DLGAP1: variants seen among roughly 807,000 people sequenced by gnomAD.
DLGAP1 encodes disks large-associated protein 1.
Under a neutral mutation model 90.8 loss-of-function variants are expected in DLGAP1, and 11 were observed. That is an observed-to-expected ratio of 0.12 (90% CI 0.08 to 0.20). The LOEUF is 0.20. DLGAP1 is among the 10% of genes least tolerant of loss of function. The pLI, the probability that DLGAP1 is intolerant of heterozygous loss-of-function variation, is 1.00. For synonymous variants in DLGAP1, 558 were observed against 540.7 expected, an observed-to-expected ratio of 1.03 and a Z score of -0.44; for missense variants, 1,050 against 1,333.8, an observed-to-expected ratio of 0.79 and a Z score of 3.31.
intron 1 of DLGAP1, among the ~76,000 whole-genome samples, chr18:4,307,825 C>G (rs1253160488): frequency 6.7e-6 from 1 of 148,302 alleles, no homozygotes; most frequent in Non-Finnish European, 1.5e-5. Context: ...AAGCTATTTT[C>G]CTGCCTCAGC....
At chr18:4,068,850 G>C (rs1463060398) in intron 2 of DLGAP1, among the ~76,000 whole-genome samples, 1 of 152,190 alleles carries the variant, frequency 6.6e-6, no homozygotes, top group African/African-American at 2.4e-5. Context: ...ACGCGTACAG[G>C]TGAGGAAACA....
At chr18:3,779,135 G>C (rs182247567) in intron 5 of DLGAP1, among the ~76,000 whole-genome samples, 1 of 152,122 alleles carries the variant, frequency 6.6e-6, no homozygotes, top group Non-Finnish European at 1.5e-5. Flanking sequence ...CTTCTGTCCC[G>C]ATCTCAGAGC....
intron 3 of DLGAP1, among the ~76,000 whole-genome samples, chr18:3,902,609 A>G (rs960771324): frequency 5.9e-5 from 9 of 152,164 alleles, no homozygotes; most frequent in Non-Finnish European, 1.2e-4. Context: ...GAGCTATAGT[A>G]CTGTATCTGC....
intron 2 of DLGAP1, among the ~76,000 whole-genome samples, chr18:4,094,609 T>TTC (rs959947025): frequency 2.9e-5 from 2 of 68,794 alleles, no homozygotes; most frequent in African/African-American, 1.3e-4. Context: ...TTCTCTTTCT[T>TTC]TTTTTTTTTT....
intron 1 of DLGAP1, among the ~76,000 whole-genome samples, chr18:4,450,723 A>T (rs1319800253): frequency 1.3e-5 from 2 of 152,234 alleles, no homozygotes; most frequent in East Asian, 1.9e-4. Flanking sequence ...TGATAAGAAA[A>T]CATTGAGAGA....
At chr18:4,251,702 C>T (rs1346302864) in intron 1 of DLGAP1, among the ~76,000 whole-genome samples, 2 of 152,150 alleles carry the variant, frequency 1.3e-5, no homozygotes, top group Admixed American at 6.5e-5. Flanking sequence ...CTGAGTTTGT[C>T]TAAAGAAGCA....
At chr18:4,213,504 G>A (rs1357690851) in intron 1 of DLGAP1, among the ~76,000 whole-genome samples, 1 of 152,162 alleles carries the variant, frequency 6.6e-6, no homozygotes, top group Admixed American at 6.5e-5. Flanking sequence ...TCTCTGGGCA[G>A]ATATGGTGCC....
intron 7 of DLGAP1, among the ~76,000 whole-genome samples, chr18:3,684,166 GGTTT>G (rs67720345): frequency 0.61 from 64,803 of 105,526 alleles, 14,983 homozygotes; most frequent in African/African-American, 0.71. Flanking sequence ...GATTGGGTAA[GGTTT>G]TTTTTTTTTA....
intron 7 of DLGAP1, among the ~76,000 whole-genome samples, chr18:3,684,149 A>C (rs1351446882): frequency 6.9e-6 from 1 of 145,826 alleles, no homozygotes; most frequent in Non-Finnish European, 1.5e-5. Context: ...CCATATATTT[A>C]TAATATGATT....
At chr18:4,218,349 T>C (rs2078001876) in intron 1 of DLGAP1, among the ~76,000 whole-genome samples, 1 of 152,022 alleles carries the variant, frequency 6.6e-6, no homozygotes, top group Non-Finnish European at 1.5e-5. Flanking sequence ...AAATAGTAAT[T>C]GTATATGTTT....
chr18:3,941,077 C>T (rs929185946), intron 3 of DLGAP1, among the ~76,000 whole-genome samples: 2 of 152,064 alleles, frequency 1.3e-5, no homozygotes, highest in Non-Finnish European at 2.9e-5. Context: ...GCGTTTTCCT[C>T]CCTTGTTGGA....
chr18:3,814,430 T>C (rs1483557350), intron 4 of DLGAP1, among the ~76,000 whole-genome samples, 157 bp from the exon 5 acceptor site: 1 of 150,702 alleles, frequency 6.6e-6, no homozygotes, highest in Non-Finnish European at 1.5e-5. Context: ...GGTGCAATCT[T>C]GGCTCACTGC....
intron 1 of DLGAP1, among the ~76,000 whole-genome samples, chr18:4,183,663 A>G (rs1444454085): frequency 1.3e-5 from 2 of 152,020 alleles, no homozygotes; most frequent in Non-Finnish European, 1.5e-5. Context: ...ATGGATTCCA[A>G]CCTTTCTGCT....
At chr18:3,810,626 C>CT (rs1258871021) in intron 5 of DLGAP1, among the ~76,000 whole-genome samples, 1 of 152,058 alleles carries the variant, frequency 6.6e-6, no homozygotes, top group Non-Finnish European at 1.5e-5. Context: ...ATATAGGGAT[C>CT]TTTTTTCTCA....
At chr18:4,403,583 T>C (rs564778189) in intron 1 of DLGAP1, among the ~76,000 whole-genome samples, 2 of 152,310 alleles carry the variant, frequency 1.3e-5, no homozygotes, top group Admixed American at 6.5e-5. Flanking sequence ...CCATTGATTA[T>C]ATTCCTGCCA....
At chr18:4,419,285 G>A (rs1377382022) in intron 1 of DLGAP1, among the ~76,000 whole-genome samples, 3 of 152,108 alleles carry the variant, frequency 2.0e-5, no homozygotes, top group African/African-American at 7.2e-5. Flanking sequence ...CTCCCACTGG[G>A]TCCCTCCCAC....
At chr18:4,194,347 G>A (rs2077455062) in intron 1 of DLGAP1, among the ~76,000 whole-genome samples, 1 of 152,032 alleles carries the variant, frequency 6.6e-6, no homozygotes, top group Non-Finnish European at 1.5e-5. Context: ...ATATCTCTTG[G>A]TATTGGTGAA....
intron 2 of DLGAP1, among the ~76,000 whole-genome samples, chr18:4,064,635 C>G (rs554913597): frequency 9.9e-5 from 15 of 151,974 alleles, no homozygotes; most frequent in Non-Finnish European, 2.1e-4. Flanking sequence ...CCTCCCTAGA[C>G]TGAACCAGGA....
chr18:3,980,223 A>G (rs544675272), intron 3 of DLGAP1, among the ~76,000 whole-genome samples: 132 of 152,300 alleles, frequency 8.7e-4, no homozygotes, highest in African/African-American at 1.2e-3. Context: ...GAAGGAGAAG[A>G]GGAGAGGCTG....
Sources: gnomAD v4.1 joint callset for allele counts (sites outside exome capture counted in the v4.1 genomes callset) on GRCh38, gnomAD v4.1.1 for gene constraint, MANE v1.5 for transcripts, NCBI Gene and HGNC (gene_info 2026-07-23, HGNC 2026-07-21) for gene names.